The following SMAD5 variants were observed in gnomAD, a reference collection of about 807,000 sequenced individuals.
The protein encoded by SMAD5 is MAD, mothers against decapentaplegic homolog 5.
Under a neutral mutation model 43.1 loss-of-function variants are expected in SMAD5, and 9 were observed. That is an observed-to-expected ratio of 0.21 (90% confidence interval 0.13 to 0.36). The LOEUF (loss-of-function observed/expected upper bound fraction) is 0.36, where lower values mean the gene tolerates loss of function less well. Ranked by LOEUF, SMAD5 falls within the 10% of genes least tolerant of loss-of-function variation. The pLI, the probability that SMAD5 is intolerant of heterozygous loss-of-function variation, is 1.00. For missense variants in SMAD5, 348 were observed against 574.0 expected (o/e 0.61, Z 4.02); for synonymous variants, 190 against 192.4 (o/e 0.99, Z 0.10).
Position 136,180,701 on chromosome 5 carries a change from G to A in SMAD5, c.*3221G>A, listed in dbSNP as rs1276909174. The A allele has an allele frequency of 6.6e-6, 1 of 152,034 alleles. No individual in the cohort carries two copies. The highest frequency in any genetic ancestry group is 6.6e-5 in the Admixed American group (1 of 15,264). The allele number at this position is 152,034 out of a possible 1,614,324, so 9.4% of individuals were successfully genotyped here. A position where few individuals can be genotyped will look rare whatever the true frequency, so the allele number is the denominator to read the frequency against. On this transcript the variant is annotated 3_prime_UTR_variant, in exon 8 of 8. Coordinates refer to ENST00000545279, the MANE Select transcript of SMAD5 (RefSeq NM_005903.7). ...CAGAATATAAATAATTTTTCACATT[G>A]TATTGTTGCTATATAAAAAAAATAA... is the stretch of plus-strand genomic sequence containing the variant.
chr5:136,133,712 C>T (rs879091082), intron 1 of SMAD5: 3 of 153,096 alleles, frequency 2.0e-5, no homozygotes, highest in Non-Finnish European at 2.9e-5. Context: ...CCAGTCTCTT[C>T]CCCTCCCCTT....
chr5:136,153,505 A>G (rs928767965), intron 2 of SMAD5, 87 bp from the exon 3 acceptor site: 3 of 303,490 alleles, frequency 9.9e-6, no homozygotes, highest in Non-Finnish European at 1.8e-5. Context: ...TTCTTATTTA[A>G]TAAAATATGC....
At position 136,178,297 on chromosome 5, in the gene SMAD5, CTA is replaced by C. The variant is rs889182906; in HGVS notation, c.*819_*820del. 6.6e-6 allele frequency: 1 copy of C among 152,606 alleles called. No individual in the cohort carries two copies. Among genetic ancestry groups the C allele is most frequent in the African/African-American group, 2.4e-5 (1 of 41,432 alleles). 9.5% of individuals were successfully genotyped at this position (152,606 alleles called of 1,614,324 possible). On this transcript the variant is annotated 3_prime_UTR_variant, in exon 8 of 8. Transcript: ENST00000545279. ...GCTTTTGGACAATGTTGCAAGAACTCTATTTTTGACATGCATTAATCTTTTAT... is the reference window on the plus strand; with the variant it reads ...GCTTTTGGACAATGTTGCAAGAACTCTTTTTGACATGCATTAATCTTTTAT...
At chr5:136,167,280 A>ATGTATAAACTT (rs1349777880) in intron 5 of SMAD5, among the ~76,000 whole-genome samples, 1 of 152,002 alleles carries the variant, frequency 6.6e-6, no homozygotes, top group Non-Finnish European at 1.5e-5. Flanking sequence ...GGGCCTCTAC[A>ATGTATAAACTT]TGTATAAACT....
At chr5:136,140,342 AGTT>A (rs1345705246) in intron 1 of SMAD5, among the ~76,000 whole-genome samples, 2 of 152,162 alleles carry the variant, frequency 1.3e-5, no homozygotes, top group African/African-American at 4.8e-5. Flanking sequence ...CTCTCCACTG[AGTT>A]CACAGTTTCC....
chr5:136,141,790 G>A (rs967751077), intron 1 of SMAD5, among the ~76,000 whole-genome samples: 1 of 152,096 alleles, frequency 6.6e-6, no homozygotes, highest in Non-Finnish European at 1.5e-5. Flanking sequence ...TTTGTACCTA[G>A]TTTCTGATTT....
intron 1 of SMAD5, chr5:136,134,266 G>A (rs921772456): frequency 6.6e-6 from 1 of 152,608 alleles, no homozygotes; most frequent in Admixed American, 6.5e-5. Context: ...AAGTTGAGAG[G>A]AAAGGGTACT....
intron 2 of SMAD5, among the ~76,000 whole-genome samples, chr5:136,149,902 C>G (rs1397344827): frequency 6.6e-6 from 1 of 151,876 alleles, no homozygotes; most frequent in Non-Finnish European, 1.5e-5. Context: ...TTAAAACTGA[C>G]ACCTATTGTT....
At chr5:136,146,690 T>C (rs369469341) in intron 1 of SMAD5, among the ~76,000 whole-genome samples, 1 of 151,972 alleles carries the variant, frequency 6.6e-6, no homozygotes, top group Admixed American at 6.6e-5. Context: ...AGGTGTTATT[T>C]TGAATATAGT....
In SMAD5 at chr5:136,132,962, A is replaced by G. The variant is rs1752722854; in HGVS notation, c.-245A>G. On this transcript the variant is annotated splice_region_variant and 5_prime_UTR_variant, in exon 1 of 8. Transcript: ENST00000545279. The stretch of plus-strand genomic sequence containing the variant: ...GGAGAGCGCGCCTAGCCGGCTCGCG[A>G]GTGAGTGAGGGTCCCCGGCGCGCGC... 1.3e-5 allele frequency: 2 copies of G among 152,158 alleles called. No individual in the cohort carries two copies. Among genetic ancestry groups the G allele is most frequent in the Non-Finnish European group, 2.9e-5 (2 of 68,042 alleles). The allele number at this position is 152,158 out of a possible 1,614,324, so 9.4% of individuals were successfully genotyped here.
chr5:136,146,008 A>G (rs904043399), intron 1 of SMAD5, among the ~76,000 whole-genome samples: 1 of 151,828 alleles, frequency 6.6e-6, no homozygotes, highest in Non-Finnish European at 1.5e-5. Flanking sequence ...TCCATTCTCC[A>G]CTGTGTATCG....
At chr5:136,146,788 T>A (rs958852835) in intron 1 of SMAD5, among the ~76,000 whole-genome samples, 4 of 151,824 alleles carry the variant, frequency 2.6e-5, no homozygotes, top group African/African-American at 9.7e-5. Context: ...ATTTTACTTT[T>A]ACTATAGGTG....
chr5:136,136,884 A>G (rs1479527044), intron 1 of SMAD5, among the ~76,000 whole-genome samples: 2 of 152,032 alleles, frequency 1.3e-5, no homozygotes, highest in Non-Finnish European at 2.9e-5. Context: ...TTTAATAGAG[A>G]TGGAGTTTCA....
chr5:136,139,128 C>G (rs6891521), intron 1 of SMAD5, among the ~76,000 whole-genome samples: 46,822 of 140,386 alleles, frequency 0.33, 7,526 homozygotes, highest in African/African-American at 0.43. Context: ...GCTGTGAGCT[C>G]TGTGTGTGTG....
intron 5 of SMAD5, 36 bp downstream of exon 5, chr5:136,163,427 G>C (rs917666597): frequency 6.6e-7 from 1 of 1,522,200 alleles, no homozygotes; most frequent in Non-Finnish European, 8.8e-7. Flanking sequence ...TTTTATAGTA[G>C]TAGTTGTTTT....
intron 1 of SMAD5, among the ~76,000 whole-genome samples, chr5:136,145,230 C>G (rs1346653392): frequency 6.6e-6 from 1 of 151,742 alleles, no homozygotes; most frequent in Non-Finnish European, 1.5e-5. Flanking sequence ...AGGCATGGCT[C>G]TGACTTGCTG....
chr5:136,174,384 C>G lies in SMAD5; in HGVS notation c.1006C>G (p.Leu336Val). 1 of 1,613,272 alleles carries G rather than the reference C, an allele frequency of 6.2e-7. No individual in the cohort carries two copies. The highest frequency in any genetic ancestry group is 8.5e-7 in the Non-Finnish European group (1 of 1,179,306). Residue 336 changes from leucine to valine, a missense_variant, in exon 7 of 8, where the codon CTG becomes GTG. Leu to Val is a conservative substitution (Grantham distance 32, BLOSUM62 1). Coordinates refer to ENST00000545279, the MANE Select transcript of SMAD5 (RefSeq NM_005903.7). ...TRRHIGKGVH[L>V]YYVGGEVYAE... ...ATGTTTGTCTTTTTAAGGTGTTCATCTGTACTATGTTGGTGGAGAGGTGTA... is the reference window on the plus strand; with the variant it reads ...ATGTTTGTCTTTTTAAGGTGTTCATGTGTACTATGTTGGTGGAGAGGTGTA...
intron 2 of SMAD5, among the ~76,000 whole-genome samples, chr5:136,148,909 A>G (rs565457833): frequency 6.6e-6 from 1 of 151,954 alleles, no homozygotes; most frequent in South Asian, 2.1e-4. Context: ...TGAAATAATC[A>G]TCTAGTAAAG....
intron 1 of SMAD5, among the ~76,000 whole-genome samples, chr5:136,140,298 T>C (rs1753031983): frequency 6.6e-6 from 1 of 152,158 alleles, no homozygotes; most frequent in Non-Finnish European, 1.5e-5. Context: ...TCTTTAATAG[T>C]GTAAGTCGAG....
Sources: gnomAD v4.1 joint callset for allele counts (sites outside exome capture counted in the v4.1 genomes callset) on GRCh38, gnomAD v4.1.1 for gene constraint, MANE v1.5 for transcripts, NCBI Gene and HGNC (gene_info 2026-07-23, HGNC 2026-07-21) for gene names.